The following RAPGEF5 variants were observed in gnomAD, a reference collection of about 807,000 sequenced individuals.
RAPGEF5 encodes the protein M-Ras-regulated GEF.
Under a neutral mutation model 125.2 loss-of-function variants are expected in RAPGEF5, and 65 were observed. That is an observed-to-expected ratio of 0.52 (90% confidence interval 0.43 to 0.64). The LOEUF is 0.64. Ranked by LOEUF, RAPGEF5 falls within the 30% of genes least tolerant of loss-of-function variation. The pLI is 0.00. For synonymous variants in RAPGEF5, 391 were observed against 385.9 expected (o/e 1.01, Z -0.16); for missense variants, 958 against 1,048.1 (o/e 0.91, Z 1.19).
intron 12 of RAPGEF5, chr7:22,163,080 AT>A: frequency 2.4e-6 from 1 of 410,652 alleles, no homozygotes; most frequent in South Asian, 1.8e-5. Context: ...CATTGGATAC[AT>A]GTGTGAACAC....
intron 9 of RAPGEF5, among the ~76,000 whole-genome samples, chr7:22,207,317 C>T (rs141615509): frequency 8.7e-4 from 132 of 152,250 alleles, no homozygotes; most frequent in African/African-American, 3.1e-3. Context: ...GGAATTTATC[C>T]TTAAGAATAT....
At chr7:22,132,187 G>T (rs1782933342) in intron 23 of RAPGEF5, among the ~76,000 whole-genome samples, 1 of 152,112 alleles carries the variant, frequency 6.6e-6, no homozygotes, top group Non-Finnish European at 1.5e-5. Context: ...TGGTCCCTAT[G>T]GGGTAATTAT....
At chr7:22,130,901 T>A in intron 24 of RAPGEF5, 136 bp downstream of exon 24, 1 of 1,243,092 alleles carries the variant, frequency 8.0e-7, no homozygotes. Context: ...GCTCCTTGAA[T>A]GAAGCAAATA....
intron 10 of RAPGEF5, 77 bp from the exon 11 acceptor site, chr7:22,193,532 C>G (rs759387554): frequency 6.4e-7 from 1 of 1,552,554 alleles, no homozygotes; most frequent in South Asian, 1.2e-5. Flanking sequence ...TCGTCCTCAT[C>G]CTCCTCGTCG....
chr7:22,220,912 T>G (rs1785770797), intron 8 of RAPGEF5, among the ~76,000 whole-genome samples: 1 of 152,138 alleles, frequency 6.6e-6, no homozygotes, highest in African/African-American at 2.4e-5. Flanking sequence ...CTCCATAACA[T>G]GACCAAATAC....
intron 24 of RAPGEF5, among the ~76,000 whole-genome samples, chr7:22,129,620 CA>C (rs1211338686): frequency 3.9e-5 from 6 of 152,092 alleles, no homozygotes; most frequent in African/African-American, 1.4e-4. Flanking sequence ...AAAACACGTA[CA>C]AAAAAATAAC....
intron 3 of RAPGEF5, among the ~76,000 whole-genome samples, 191 bp from the exon 4 acceptor site, chr7:22,310,281 G>C (rs761704485): frequency 2.6e-5 from 4 of 152,112 alleles, no homozygotes; most frequent in Admixed American, 2.6e-4. Context: ...AGGGAAACAA[G>C]AGTCAAATTG....
chr7:22,133,611 G>A (rs1039242631), intron 23 of RAPGEF5, among the ~76,000 whole-genome samples: 5 of 152,128 alleles, frequency 3.3e-5, no homozygotes, highest in South Asian at 2.1e-4. Context: ...TCAGAGACCC[G>A]CACAAATCTG....
At chr7:22,264,555 C>T (rs1782236839) in intron 7 of RAPGEF5, among the ~76,000 whole-genome samples, 1 of 152,208 alleles carries the variant, frequency 6.6e-6, no homozygotes. Flanking sequence ...CTTCATCTGA[C>T]ATTGCAAAGC....
intron 1 of RAPGEF5, among the ~76,000 whole-genome samples, chr7:22,326,030 A>T (rs1292410778): frequency 6.6e-6 from 1 of 152,230 alleles, no homozygotes; most frequent in Non-Finnish European, 1.5e-5. Flanking sequence ...GAGTGAAAGA[A>T]ATAAACCTTG....
chr7:22,238,980 A>ATTG (rs2128135809), intron 7 of RAPGEF5, among the ~76,000 whole-genome samples: 1 of 150,730 alleles, frequency 6.6e-6, no homozygotes, highest in South Asian at 2.2e-4. Context: ...GAAAACAAAC[A>ATTG]AAAAAAAGCA....
chr7:22,295,091 T>C (rs1297509960), intron 5 of RAPGEF5, among the ~76,000 whole-genome samples: 1 of 152,164 alleles, frequency 6.6e-6, no homozygotes, highest in Non-Finnish European at 1.5e-5. Flanking sequence ...CCATTTCCCC[T>C]ACCCATGATG....
At chr7:22,326,508 C>T (rs908875597) in intron 1 of RAPGEF5, among the ~76,000 whole-genome samples, 1 of 152,106 alleles carries the variant, frequency 6.6e-6, no homozygotes, top group Admixed American at 6.6e-5. Flanking sequence ...ATCCTGGTCT[C>T]GATTATCAAA....
intron 7 of RAPGEF5, 57 bp from the exon 8 acceptor site, chr7:22,230,976 T>C: frequency 1.3e-6 from 2 of 1,486,972 alleles, no homozygotes; most frequent in Non-Finnish European, 1.8e-6. Flanking sequence ...ATGCTTCAGA[T>C]AATTTTCTTT....
chr7:22,141,473 G>T (rs1224993833), intron 20 of RAPGEF5, among the ~76,000 whole-genome samples: 1 of 152,222 alleles, frequency 6.6e-6, no homozygotes, highest in African/African-American at 2.4e-5. Flanking sequence ...ACCCATAGCA[G>T]CTGTGCTCTG....
At chr7:22,259,878 G>A (rs540535738) in intron 7 of RAPGEF5, among the ~76,000 whole-genome samples, 52 of 152,312 alleles carry the variant, frequency 3.4e-4, no homozygotes, top group African/African-American at 1.2e-3. Flanking sequence ...GATTACAGGC[G>A]TGAGCCACCA....
At chr7:22,193,655 T>C in intron 10 of RAPGEF5, 200 bp from the exon 11 acceptor site, 1 of 1,550,742 alleles carries the variant, frequency 6.4e-7, no homozygotes, top group Admixed American at 2.0e-5. Context: ...AGCCGGGAGC[T>C]GCCCATTGTG....
chr7:22,246,564 T>C (rs1294042170), intron 7 of RAPGEF5, among the ~76,000 whole-genome samples: 1 of 152,154 alleles, frequency 6.6e-6, no homozygotes, highest in Non-Finnish European at 1.5e-5. Flanking sequence ...TTTTACCATT[T>C]ATAAAAACCA....
chr7:22,306,925 G>T (rs1374260535), intron 5 of RAPGEF5, among the ~76,000 whole-genome samples: 2 of 152,114 alleles, frequency 1.3e-5, no homozygotes, highest in Non-Finnish European at 2.9e-5. Flanking sequence ...CTGTTTTCAT[G>T]CAATTACCAT....
Sources: gnomAD v4.1 joint callset for allele counts (sites outside exome capture counted in the v4.1 genomes callset) on GRCh38, gnomAD v4.1.1 for gene constraint, MANE v1.5 for transcripts, NCBI Gene and HGNC (gene_info 2026-07-23, HGNC 2026-07-21) for gene names.